The following SORCS2 variants were observed in gnomAD, a reference collection of about 807,000 sequenced individuals.
The protein encoded by SORCS2 is sortilin related VPS10 domain containing receptor 2, also known as VPS10 domain-containing receptor SorCS2.
SORCS2 carries 100 observed loss-of-function variants against 141.6 expected under a neutral mutation model. The observed-to-expected ratio is 0.71, with a 90% CI of 0.60 to 0.83. The LOEUF is 0.83. SORCS2 is among the 40% of genes least tolerant of loss of function. The pLI is 0.00. For synonymous variants in SORCS2, 789 were observed against 676.9 expected, an observed-to-expected ratio of 1.17 and a Z score of -2.57; for missense variants, 1,646 against 1,560.2, an observed-to-expected ratio of 1.05 and a Z score of -0.93.
At chr4:7,601,977 G>A (rs187223362) in intron 3 of SORCS2, among the ~76,000 whole-genome samples, 7 of 152,292 alleles carry the variant, frequency 4.6e-5, no homozygotes, top group African/African-American at 1.7e-4. Context: ...CAGAGAGCAC[G>A]GGGTTGGGGG....
At chr4:7,330,120 C>A (rs1226694103) in intron 1 of SORCS2, among the ~76,000 whole-genome samples, 2 of 151,818 alleles carry the variant, frequency 1.3e-5, no homozygotes. Context: ...CTCCCGCTTC[C>A]ATTGCCGCCT....
chr4:7,657,485 C>CAATG (rs933445816), intron 5 of SORCS2, among the ~76,000 whole-genome samples: 1 of 96,328 alleles, frequency 1.0e-5, no homozygotes, highest in South Asian at 3.3e-4. Context: ...GTAGGTGAGT[C>CAATG]AATGAATGAA....
chr4:7,547,104 C>T (rs1338602442), intron 3 of SORCS2, among the ~76,000 whole-genome samples: 1 of 152,184 alleles, frequency 6.6e-6, no homozygotes, highest in Non-Finnish European at 1.5e-5. Flanking sequence ...GCTCTTACAA[C>T]TGGGCTTCTC....
chr4:7,689,666 G>A, intron 11 of SORCS2, 78 bp downstream of exon 11: 2 of 1,357,646 alleles, frequency 1.5e-6, no homozygotes, highest in Non-Finnish European at 2.0e-6. Context: ...GGTAAAAAGG[G>A]ATGGTCATGA....
chr4:7,220,536 AG>A (rs1218505434), intron 1 of SORCS2, among the ~76,000 whole-genome samples: 7 of 152,120 alleles, frequency 4.6e-5, no homozygotes, highest in Non-Finnish European at 7.3e-5. Flanking sequence ...GTGATTTTCA[AG>A]CTGATTTCTG....
chr4:7,200,024 G>T (rs983333380), intron 1 of SORCS2, among the ~76,000 whole-genome samples: 2 of 98,814 alleles, frequency 2.0e-5, no homozygotes, highest in African/African-American at 8.8e-5. Flanking sequence ...GCGCAGAGGT[G>T]GGGGAGGCTG....
intron 1 of SORCS2, among the ~76,000 whole-genome samples, chr4:7,372,782 C>T (rs1055813165): frequency 1.6e-4 from 25 of 152,042 alleles, no homozygotes; most frequent in Non-Finnish European, 2.2e-4. Context: ...GTCTGTTTTC[C>T]GCCTGTCCGG....
intron 2 of SORCS2, among the ~76,000 whole-genome samples, chr4:7,490,543 G>C (rs1322982945): frequency 6.6e-6 from 1 of 152,186 alleles, no homozygotes; most frequent in East Asian, 1.9e-4. Flanking sequence ...TTGGAGCTTA[G>C]AGACCACCTT....
chr4:7,625,644 C>G (rs1719469385), intron 3 of SORCS2, among the ~76,000 whole-genome samples: 4 of 148,552 alleles, frequency 2.7e-5, no homozygotes, highest in Admixed American at 2.7e-4. Context: ...AAGCACCCAG[C>G]ACTCTTCATT....
intron 2 of SORCS2, among the ~76,000 whole-genome samples, chr4:7,444,350 A>G (rs1416881186): frequency 6.6e-6 from 1 of 152,150 alleles, no homozygotes; most frequent in African/African-American, 2.4e-5. Flanking sequence ...AGGTGGAGAC[A>G]TTGTATAGGT....
intron 1 of SORCS2, among the ~76,000 whole-genome samples, chr4:7,390,094 C>T (rs1463973642): frequency 6.6e-6 from 1 of 152,174 alleles, no homozygotes; most frequent in Non-Finnish European, 1.5e-5. Context: ...TGCAGCTTAG[C>T]CAGGGAGACC....
At chr4:7,228,887 T>C (rs1192242382) in intron 1 of SORCS2, among the ~76,000 whole-genome samples, 1 of 152,162 alleles carries the variant, frequency 6.6e-6, no homozygotes, top group Admixed American at 6.5e-5. Context: ...GCCGGGCTGG[T>C]GCCCCCTGGA....
chr4:7,711,774 A>G (rs1311870306), intron 14 of SORCS2, among the ~76,000 whole-genome samples: 1 of 152,200 alleles, frequency 6.6e-6, no homozygotes, highest in Non-Finnish European at 1.5e-5. Flanking sequence ...TCGGCTTTCC[A>G]TTCTGTAAAA....
At chr4:7,676,944 C>G (rs540519879) in intron 9 of SORCS2, among the ~76,000 whole-genome samples, 3 of 73,624 alleles carry the variant, frequency 4.1e-5, no homozygotes, top group African/African-American at 1.4e-4. Flanking sequence ...CTCTCCCTCT[C>G]TCCCTCTGCC....
At chr4:7,403,997 A>ATT (rs60403055) in intron 2 of SORCS2, among the ~76,000 whole-genome samples, 324 of 18,624 alleles carry the variant, frequency 0.017, no homozygotes, top group Middle Eastern at 0.038. Context: ...ATATATATAT[A>ATT]TTTTTTTTTT....
At chr4:7,550,132 A>ATG (rs36213889) in intron 3 of SORCS2, among the ~76,000 whole-genome samples, 7,004 of 142,180 alleles carry the variant, frequency 0.049, 220 homozygotes, top group South Asian at 0.076. Context: ...GTATGTGTGT[A>ATG]TGTGTGTGTG....
chr4:7,267,419 C>T (rs929294076), intron 1 of SORCS2, among the ~76,000 whole-genome samples: 6 of 152,116 alleles, frequency 3.9e-5, no homozygotes, highest in African/African-American at 1.2e-4. Context: ...TCTATTTCCC[C>T]GCCCCTACCC....
intron 1 of SORCS2, among the ~76,000 whole-genome samples, chr4:7,308,918 C>T (rs892719138): frequency 2.3e-4 from 35 of 152,180 alleles, no homozygotes; most frequent in African/African-American, 8.4e-4. Flanking sequence ...GTGTGGCACC[C>T]TCCATGCCAA....
chr4:7,387,936 C>T (rs28433107), intron 1 of SORCS2, among the ~76,000 whole-genome samples: 13 of 53,108 alleles, frequency 2.4e-4, no homozygotes, highest in South Asian at 1.9e-3. Flanking sequence ...ATGCACACAC[C>T]GATACACATA....
Sources: allele counts gnomAD v4.1 joint callset (sites outside exome capture counted in the v4.1 genomes callset), GRCh38; gene constraint gnomAD v4.1.1; transcripts MANE v1.5; gene names NCBI Gene and HGNC (gene_info 2026-07-23, HGNC 2026-07-21).